Variants in FAM228B observed in about 807,000 individuals in gnomAD.
The protein encoded by FAM228B is protein FAM228B.
FAM228B carries 38 observed loss-of-function variants against 42.6 expected under a neutral mutation model. The observed-to-expected ratio is 0.89, with a 90% CI of 0.69 to 1.17. FAM228B has a LOEUF of 1.17. FAM228B is among the 50% of genes most tolerant of loss of function. FAM228B has a pLI of 0.00. For missense variants in FAM228B, 344 were observed against 367.3 expected (o/e 0.94, Z 0.52); for synonymous variants, 109 against 122.3 (o/e 0.89, Z 0.72).
At chr2:24,160,600 T>C (rs577572137) in intron 7 of FAM228B, among the ~76,000 whole-genome samples, 3 of 152,288 alleles carry the variant, frequency 2.0e-5, no homozygotes, top group African/African-American at 4.8e-5. Flanking sequence ...TTTCCTTTTT[T>C]CCCCCCAATA....
intron 2 of FAM228B, among the ~76,000 whole-genome samples, chr2:24,132,464 GTTTTTTT>G (rs548264853): frequency 1.2e-4 from 7 of 56,006 alleles, no homozygotes; most frequent in South Asian, 6.7e-4. Context: ...TCCTGGGATT[GTTTTTTT>G]TTTTTTTTTT....
Position 24,080,953 on chromosome 2 carries a change from C to T in FAM228B, c.-212C>T, listed in dbSNP as rs769647439. 3.1e-6 allele frequency: 5 copies of T among 1,614,174 alleles called. No homozygotes were observed. Among genetic ancestry groups the T allele is most frequent in the Admixed American group, 1.7e-5 (1 of 60,024 alleles). Reference sequence around the variant, plus strand: ...GACCAGAGGAATAGCTCCAGCCATCCGGGTGAGTTGGATAGCAGCTGTGCC... The same window carrying T: ...GACCAGAGGAATAGCTCCAGCCATCTGGGTGAGTTGGATAGCAGCTGTGCC... On this transcript the variant is annotated splice_region_variant and 5_prime_UTR_variant, in exon 2 of 11. Transcript: ENST00000613899. This position sits in a 1 kb window ranked among gnomAD's most constrained non-coding sequence, Gnocchi z 4.7.
At chr2:24,112,118 C>T (rs772613620) in intron 3 of FAM228B, among the ~76,000 whole-genome samples, 21 of 151,974 alleles carry the variant, frequency 1.4e-4, no homozygotes, top group African/African-American at 4.6e-4. Flanking sequence ...TGATATGCAG[C>T]GATTTAAAAT....
intron 8 of FAM228B, among the ~76,000 whole-genome samples, chr2:24,162,765 C>T (rs1667314087): frequency 6.6e-6 from 1 of 152,178 alleles, no homozygotes. Flanking sequence ...AATACTGATA[C>T]ATGCTGCAAC....
chr2:24,112,877 A>G (rs926358141), intron 3 of FAM228B, among the ~76,000 whole-genome samples: 4 of 152,052 alleles, frequency 2.6e-5, no homozygotes, highest in South Asian at 2.1e-4. Flanking sequence ...AGGCCTTTTC[A>G]TCACTCTGTG....
chr2:24,167,060 C>G (rs1423252990), intron 9 of FAM228B, among the ~76,000 whole-genome samples: 1 of 151,966 alleles, frequency 6.6e-6, no homozygotes, highest in Admixed American at 6.6e-5. Flanking sequence ...GGAAGCTGTG[C>G]GGAGGTCTGG....
At position 24,115,450 on chromosome 2, in the gene FAM228B, A is replaced by C. The variant is rs796233661; in HGVS notation, c.-120-19669A>C. On this transcript the variant is annotated intron_variant, in intron 3 of 10. Coordinates refer to the FAM228B transcript ENST00000613899. Reference sequence around the variant, plus strand: ...AAGAGGATCTCTGGAAGTAATAAAAATTGCTCCCTTAATTCATTCTTCTTT... The same window carrying C: ...AAGAGGATCTCTGGAAGTAATAAAACTTGCTCCCTTAATTCATTCTTCTTT... 10 of 704,684 alleles carry C rather than the reference A, an allele frequency of 1.4e-5. 1 individual carries two copies. The African/African-American group carries it at 1.8e-4, about 13-fold the overall frequency. The allele number at this position is 704,684 out of a possible 1,614,324, so 43.7% of individuals were successfully genotyped here.
At chr2:24,110,972 A>T (rs1482329573) in intron 3 of FAM228B, among the ~76,000 whole-genome samples, 2 of 152,328 alleles carry the variant, frequency 1.3e-5, no homozygotes, top group Non-Finnish European at 2.9e-5. Context: ...GGAAACTACC[A>T]GGGTACTTAA....
At chr2:24,109,291 C>T (rs1201276671) in intron 3 of FAM228B, among the ~76,000 whole-genome samples, 1 of 151,442 alleles carries the variant, frequency 6.6e-6, no homozygotes, top group Non-Finnish European at 1.5e-5. Context: ...TATACAAAAT[C>T]AACTCAAGAT....
intron 2 of FAM228B, among the ~76,000 whole-genome samples, chr2:24,093,425 G>C (rs1167731768): frequency 7.2e-5 from 11 of 151,944 alleles, no homozygotes; most frequent in Non-Finnish European, 1.6e-4. Context: ...TCCTGTGTTA[G>C]TTTGCTGAGG....
chr2:24,158,957 C>T (rs1012575904), intron 7 of FAM228B, among the ~76,000 whole-genome samples: 2 of 152,190 alleles, frequency 1.3e-5, no homozygotes, highest in South Asian at 2.1e-4. Flanking sequence ...CTGAAGGCTC[C>T]TTGTCTCTTT....
chr2:24,123,545 C>T lies in FAM228B; in HGVS notation c.-33+12C>T, dbSNP rs1291447021. ...GCGTCCGGGAGACGGTGGGCGCCAACATTCGCGCGTTCCGCAGACGCGGGC... is the reference window on the plus strand; with the variant it reads ...GCGTCCGGGAGACGGTGGGCGCCAATATTCGCGCGTTCCGCAGACGCGGGC... On this transcript the variant is annotated intron_variant, in intron 1 of 10. Transcript: ENST00000615575. The T allele has an allele frequency of 6.6e-6, 1 of 152,142 alleles. No homozygotes were observed. The highest frequency in any genetic ancestry group is 1.5e-5 in the Non-Finnish European group (1 of 68,024). The allele number at this position is 152,142 out of a possible 1,614,324, so 9.4% of individuals were successfully genotyped here. A position where few individuals can be genotyped will look rare whatever the true frequency, so the allele number is the denominator to read the frequency against.
chr2:24,152,141 T>C (rs146137743), intron 7 of FAM228B, among the ~76,000 whole-genome samples: 26,243 of 152,214 alleles, frequency 0.17, 2,830 homozygotes, highest in Non-Finnish European at 0.24. Context: ...AGTGCTGGGA[T>C]TACAGGCATG....
chr2:24,114,981 G>A (rs1665868155), intron 3 of FAM228B, among the ~76,000 whole-genome samples: 1 of 152,188 alleles, frequency 6.6e-6, no homozygotes, highest in Admixed American at 6.5e-5. Context: ...AAATGGGAGT[G>A]TGAAATGTCC....
intron 7 of FAM228B, among the ~76,000 whole-genome samples, chr2:24,155,527 ATATATT>A (rs1667118167): frequency 5.3e-5 from 1 of 19,024 alleles, no homozygotes; most frequent in Non-Finnish European, 1.1e-4. Context: ...ATATATATAT[ATATATT>A]TTTTTTTTTT....
At chr2:24,151,613 A>ATT (rs397726084) in intron 7 of FAM228B, among the ~76,000 whole-genome samples, 3,260 of 137,434 alleles carry the variant, frequency 0.024, 53 homozygotes, top group Middle Eastern at 0.038. Flanking sequence ...TTTTTTGGTG[A>ATT]TTTTTTTTTT....
intron 2 of FAM228B, 57 bp from the exon 3 acceptor site, chr2:24,135,062 G>C (rs1666548110): frequency 1.0e-5 from 11 of 1,075,480 alleles, no homozygotes; most frequent in Non-Finnish European, 1.5e-5. Context: ...AATGATTCCA[G>C]ATAGCACTAA....
chr2:24,129,306 CTT>C (rs57641483), intron 2 of FAM228B, among the ~76,000 whole-genome samples: 40 of 139,404 alleles, frequency 2.9e-4, no homozygotes, highest in Middle Eastern at 3.6e-3. Flanking sequence ...TCTATTTTAT[CTT>C]TTTTTTTTTT....
At position 24,080,948 on chromosome 2, in the gene FAM228B, C is replaced by T; in HGVS notation, c.-217C>T. On this transcript the variant is annotated 5_prime_UTR_variant, in exon 2 of 11. Transcript: ENST00000613899. The surrounding 1 kb of genome is among the most constrained non-coding windows in gnomAD (Gnocchi z 4.7). ...GCTGTGACCAGAGGAATAGCTCCAG[C>T]CATCCGGGTGAGTTGGATAGCAGCT... 2 of 1,614,208 alleles carry T rather than the reference C, an allele frequency of 1.2e-6. No homozygotes were observed. Among genetic ancestry groups the T allele is most frequent in the Non-Finnish European group, 1.7e-6 (2 of 1,180,052 alleles).
Sources: allele counts gnomAD v4.1 joint callset (sites outside exome capture counted in the v4.1 genomes callset), GRCh38; gene constraint gnomAD v4.1.1; non-coding constraint Gnocchi (gnomAD v3.1); transcripts MANE v1.5; gene names NCBI Gene and HGNC (gene_info 2026-07-23, HGNC 2026-07-21).